PCSK6: variants seen among roughly 807,000 people sequenced by gnomAD.
PCSK6 encodes the protein paired basic amino acid cleaving enzyme 4.
A neutral mutation model predicts 123.3 loss-of-function variants in PCSK6; 85 were observed. The observed-to-expected ratio is 0.69, with a 90% CI of 0.58 to 0.83. The LOEUF (loss-of-function observed/expected upper bound fraction) is 0.83, where lower values mean the gene tolerates loss of function less well. PCSK6 is among the 40% of genes least tolerant of loss of function. The probability of loss-of-function intolerance (pLI) is 0.00; values close to 1 mark genes in which losing one functional copy is unlikely to be tolerated. For missense variants in PCSK6, 1,191 were observed against 1,282.3 expected (o/e 0.93, Z 1.09); for synonymous variants, 508 against 516.0 (o/e 0.98, Z 0.21).
At chr15:101,463,813 C>T (rs1021408440) in intron 1 of PCSK6, among the ~76,000 whole-genome samples, 7 of 152,006 alleles carry the variant, frequency 4.6e-5, no homozygotes, top group Non-Finnish European at 1.0e-4. Context: ...CAGTGCCTAC[C>T]AAAGCTGTGA....
At chr15:101,342,480 A>G (rs535411981) in intron 13 of PCSK6, among the ~76,000 whole-genome samples, 85 of 152,234 alleles carry the variant, frequency 5.6e-4, no homozygotes, top group Non-Finnish European at 8.2e-4. Context: ...AGAGTATTTC[A>G]TCTTTTTAAT....
At chr15:101,396,670 T>C (rs929359445) in intron 7 of PCSK6, among the ~76,000 whole-genome samples, 2 of 152,064 alleles carry the variant, frequency 1.3e-5, no homozygotes, top group Admixed American at 1.3e-4. Context: ...GACTTGGTCA[T>C]ACCCGAGTGT....
chr15:101,436,746 A>C (rs28521402), intron 2 of PCSK6, among the ~76,000 whole-genome samples: 53,047 of 152,094 alleles, frequency 0.35, 9,991 homozygotes, highest in African/African-American at 0.49. Context: ...TGTGCACTCA[A>C]CAGTCTGTGG....
intron 1 of PCSK6, among the ~76,000 whole-genome samples, chr15:101,450,212 C>T (rs545752433): frequency 2.6e-5 from 4 of 151,964 alleles, no homozygotes; most frequent in South Asian, 2.1e-4. Flanking sequence ...TAGTCTCTCC[C>T]GTACCACCGC....
chr15:101,389,648 C>A, intron 8 of PCSK6, 84 bp from the exon 9 acceptor site: 1 of 1,042,032 alleles, frequency 9.6e-7, no homozygotes, highest in Non-Finnish European at 1.4e-6. Flanking sequence ...CTTCAGGTGC[C>A]ACTAACTGGC....
chr15:101,457,173 AAAAT>A (rs1221256732), intron 1 of PCSK6, among the ~76,000 whole-genome samples: 2 of 152,038 alleles, frequency 1.3e-5, no homozygotes, highest in African/African-American at 4.8e-5. Flanking sequence ...TTCCATCTCA[AAAAT>A]AAATAAATAA....
chr15:101,474,448 C>A (rs2057679281), intron 1 of PCSK6, among the ~76,000 whole-genome samples: 1 of 152,182 alleles, frequency 6.6e-6, no homozygotes. Flanking sequence ...CTGCCTGACC[C>A]ATCTTTATAA....
intron 6 of PCSK6, among the ~76,000 whole-genome samples, chr15:101,400,255 C>A (rs953644195): frequency 2.6e-5 from 4 of 151,878 alleles, no homozygotes; most frequent in Non-Finnish European, 5.9e-5. Context: ...CCTTTTTTTC[C>A]CCCACTGAGC....
At position 101,408,435 on chromosome 15, in the gene PCSK6, G is replaced by A. The variant is rs186971566; in HGVS notation, c.824-9859C>T. ...AGAGCTAGCCTCACCCATTCTCTGC[G>A]GGTGTCTGCAGCAGGGCGGCCTGAG... On this transcript the variant is annotated intron_variant, in intron 6 of 21. Transcript: ENST00000611716. Among the ~76,000 whole-genome samples, 408 of 152,308 alleles carry A rather than the reference G, an allele frequency of 2.7e-3. 1 individual carries two copies. The highest frequency in any genetic ancestry group is 7.7e-3 in the African/African-American group (321 of 41,570).
intron 13 of PCSK6, among the ~76,000 whole-genome samples, chr15:101,343,430 C>A (rs562978174): frequency 2.4e-4 from 36 of 152,070 alleles, no homozygotes; most frequent in Admixed American, 2.2e-3. Flanking sequence ...AAGTTGGATG[C>A]TTAGCACATT....
At chr15:101,413,363 C>T (rs868307495) in intron 6 of PCSK6, among the ~76,000 whole-genome samples, 2 of 151,844 alleles carry the variant, frequency 1.3e-5, no homozygotes. Context: ...TAATGTAATA[C>T]CAAGGGTAGC....
At chr15:101,347,859 G>A (rs571286605) in intron 13 of PCSK6, 4 of 1,139,040 alleles carry the variant, frequency 3.5e-6, no homozygotes, top group East Asian at 4.7e-5. Context: ...GGAGTGGAGG[G>A]CAGCAGGAGG....
intron 15 of PCSK6, among the ~76,000 whole-genome samples, chr15:101,329,105 G>C (rs1281508954): frequency 1.3e-5 from 2 of 152,182 alleles, no homozygotes; most frequent in Non-Finnish European, 2.9e-5. Context: ...TCATACAAGG[G>C]GGGCTCCGTT....
At chr15:101,452,879 G>T (rs2057072250) in intron 1 of PCSK6, among the ~76,000 whole-genome samples, 1 of 152,204 alleles carries the variant, frequency 6.6e-6, no homozygotes, top group Admixed American at 6.5e-5. Context: ...TTTATGCAAA[G>T]GACACACTGG....
At chr15:101,317,160 C>T (rs2040011027) in intron 19 of PCSK6, among the ~76,000 whole-genome samples, 1 of 152,162 alleles carries the variant, frequency 6.6e-6, no homozygotes, top group Non-Finnish European at 1.5e-5. Flanking sequence ...GATCCACCCG[C>T]CTTGGCCTCC....
intron 13 of PCSK6, among the ~76,000 whole-genome samples, chr15:101,361,872 T>A (rs1359717629): frequency 6.6e-6 from 1 of 151,606 alleles, no homozygotes; most frequent in East Asian, 1.9e-4. Flanking sequence ...TGAGATATAT[T>A]CTGGAAGCAG....
intron 11 of PCSK6, among the ~76,000 whole-genome samples, chr15:101,381,578 A>C (rs536090083): frequency 7.2e-5 from 11 of 152,260 alleles, no homozygotes; most frequent in African/African-American, 2.6e-4. Context: ...TGTGAATAAT[A>C]AGCAGTACCC....
Position 101,481,325 on chromosome 15 carries a change from C to T in PCSK6, c.297+8049G>A, listed in dbSNP as rs1046508065. ...GAAGGCTGAGGGGCGAATCTGGTGACGGGTGGGAAGGCTGAGGGGCGAACC... is the reference window on the plus strand; with the variant it reads ...GAAGGCTGAGGGGCGAATCTGGTGATGGGTGGGAAGGCTGAGGGGCGAACC... On this transcript the variant is annotated intron_variant, in intron 1 of 21. Transcript: ENST00000611716. 1.1e-4 allele frequency among the ~76,000 whole-genome samples: 13 copies of T among 116,284 alleles called. 1 individual carries two copies. The highest frequency in any genetic ancestry group is 5.3e-4 in the South Asian group (2 of 3,756). 76.3% of individuals were successfully genotyped at this position (116,284 alleles called of 152,430 possible). A position where few individuals can be genotyped will look rare whatever the true frequency, so the allele number is the denominator to read the frequency against.
intron 6 of PCSK6, among the ~76,000 whole-genome samples, chr15:101,409,635 A>G (rs1257841160): frequency 1.3e-5 from 2 of 151,438 alleles, no homozygotes; most frequent in Non-Finnish European, 2.9e-5. Flanking sequence ...AGTGTCCCTC[A>G]TGACACCCCT....
Sources: allele counts gnomAD v4.1 joint callset (sites outside exome capture counted in the v4.1 genomes callset), GRCh38; gene constraint gnomAD v4.1.1; transcripts MANE v1.5; gene names NCBI Gene and HGNC (gene_info 2026-07-23, HGNC 2026-07-21).